IL1RAPL2: variants seen among roughly 807,000 people sequenced by gnomAD.
The protein encoded by IL1RAPL2 is X-linked interleukin-1 receptor accessory protein-like 2.
A neutral mutation model predicts 44.1 loss-of-function variants in IL1RAPL2; 3 were observed. The ratio of observed to expected loss-of-function variants is 0.07; its 90% CI spans 0.03 to 0.18. The LOEUF is 0.18. Among genes scored for constraint, IL1RAPL2 ranks in the 10% least tolerant of loss-of-function variants. The pLI, the probability that IL1RAPL2 is intolerant of heterozygous loss-of-function variation, is 1.00. For synonymous variants in IL1RAPL2, 181 were observed against 178.8 expected (o/e 1.01, Z -0.10); for missense variants, 391 against 496.4 (o/e 0.79, Z 2.02).
At chrX:105,718,247 G>A (rs940471552) in intron 7 of IL1RAPL2, among the ~76,000 whole-genome samples, 1 of 112,115 alleles carries the variant, frequency 8.9e-6, no homozygotes, top group East Asian at 2.8e-4. Flanking sequence ...TAAGAATCAT[G>A]CAGTGAAAAT....
chrX:104,581,882 C>T (rs73521385), intron 1 of IL1RAPL2, among the ~76,000 whole-genome samples: 7,330 of 110,277 alleles, frequency 0.066, 660 homozygotes, highest in African/African-American at 0.23. Context: ...ATTGCTCCTT[C>T]CTTAAAAGTT....
intron 6 of IL1RAPL2, among the ~76,000 whole-genome samples, chrX:105,491,082 C>T (rs2147778720): frequency 8.9e-6 from 1 of 111,876 alleles, no homozygotes; most frequent in South Asian, 3.7e-4. Flanking sequence ...TTTATGATAC[C>T]CTTGAATCAA....
intron 2 of IL1RAPL2, among the ~76,000 whole-genome samples, chrX:105,127,116 C>T (rs1344557685): frequency 1.8e-5 from 2 of 111,261 alleles, no homozygotes; most frequent in Non-Finnish European, 3.8e-5. Flanking sequence ...GCTATAGAGA[C>T]TCCTAAAAGA....
Position 105,167,395 on chromosome X carries a change from T to C in IL1RAPL2, c.83-28080T>C, listed in dbSNP as rs1251140958. ...ATTTTTACCTTTACTTGGTCAATTT[T>C]GTTTTTCCTTCTTCAGACCTGTTTA... On this transcript the variant is annotated intron_variant, in intron 2 of 10. Transcript: ENST00000372582. Among the ~76,000 whole-genome samples the C allele has an allele frequency of 2.7e-5, 3 of 112,452 alleles. No individual in the cohort carries two copies. In the East Asian group the frequency reaches 8.4e-4, roughly 31 times the overall value.
At chrX:104,829,502 G>T (rs1309543018) in intron 2 of IL1RAPL2, among the ~76,000 whole-genome samples, 1 of 112,222 alleles carries the variant, frequency 8.9e-6, no homozygotes, top group Non-Finnish European at 1.9e-5. Context: ...GGGTACTTTA[G>T]TTGGAAATGC....
chrX:104,840,365 C>G (rs906991831), intron 2 of IL1RAPL2, among the ~76,000 whole-genome samples: 7 of 111,695 alleles, frequency 6.3e-5, no homozygotes, highest in Non-Finnish European at 1.3e-4. Context: ...TCCATGTAGT[C>G]GTGTGGTTTT....
chrX:104,752,482 A>G (rs928344171), intron 2 of IL1RAPL2, among the ~76,000 whole-genome samples: 1 of 110,868 alleles, frequency 9.0e-6, no homozygotes, highest in Non-Finnish European at 1.9e-5. Flanking sequence ...TATGGCTATA[A>G]TTTAGTTTCC....
intron 2 of IL1RAPL2, among the ~76,000 whole-genome samples, chrX:105,050,620 A>G (rs1455975479): frequency 8.9e-6 from 1 of 112,020 alleles, no homozygotes; most frequent in Admixed American, 9.5e-5. Context: ...TTTTCCTCCC[A>G]AAACCTCTGT....
chrX:104,931,396 A>T (rs916459086), intron 2 of IL1RAPL2, among the ~76,000 whole-genome samples: 2 of 108,538 alleles, frequency 1.8e-5, no homozygotes, highest in Admixed American at 9.9e-5. Context: ...AAAAAAAGCC[A>T]GTGAACTGCT....
chrX:105,521,268 G>A (rs2036556435), intron 6 of IL1RAPL2, among the ~76,000 whole-genome samples: 1 of 109,437 alleles, frequency 9.1e-6, no homozygotes, highest in South Asian at 4.1e-4. Context: ...CTAAGAACAT[G>A]GGGATTCAAG....
intron 5 of IL1RAPL2, among the ~76,000 whole-genome samples, chrX:105,293,216 T>A (rs149027962): frequency 3.7e-4 from 41 of 111,364 alleles, no homozygotes; most frequent in African/African-American, 1.3e-3. Context: ...ATTTTCTCTA[T>A]CATTCTATTT....
intron 2 of IL1RAPL2, among the ~76,000 whole-genome samples, chrX:104,697,959 A>T (rs1931208777): frequency 8.9e-6 from 1 of 112,261 alleles, no homozygotes; most frequent in Admixed American, 9.4e-5. Context: ...CAATCTAGGG[A>T]TTGACCAGGG....
At chrX:104,983,577 A>G (rs1267524570) in intron 2 of IL1RAPL2, among the ~76,000 whole-genome samples, 21 of 71,177 alleles carry the variant, frequency 3.0e-4, no homozygotes, top group Non-Finnish European at 6.1e-4. Context: ...TATATTATAG[A>G]CATAATATAT....
chrX:104,730,854 TC>T (rs1931899955), intron 2 of IL1RAPL2, among the ~76,000 whole-genome samples: 1 of 110,979 alleles, frequency 9.0e-6, no homozygotes, highest in South Asian at 3.9e-4. Flanking sequence ...GTAAAAGTGT[TC>T]CTATTTCTCC....
chrX:105,697,293 CAA>C (rs1308596758), intron 6 of IL1RAPL2, among the ~76,000 whole-genome samples: 4 of 76,933 alleles, frequency 5.2e-5, no homozygotes, highest in Non-Finnish European at 5.1e-5. Flanking sequence ...CAACATAGCT[CAA>C]AAAAAAAAAA....
chrX:104,930,302 A>G (rs1402760170), intron 2 of IL1RAPL2, among the ~76,000 whole-genome samples: 1 of 112,484 alleles, frequency 8.9e-6, no homozygotes, highest in Non-Finnish European at 1.9e-5. Flanking sequence ...GTCAGATAGT[A>G]TGAGTTGCTT....
intron 2 of IL1RAPL2, among the ~76,000 whole-genome samples, chrX:104,994,572 A>T (rs954254794): frequency 9.0e-6 from 1 of 111,730 alleles, no homozygotes; most frequent in Non-Finnish European, 1.9e-5. Context: ...GGCAAAGTTT[A>T]ACCCTTAAAA....
chrX:105,725,541 T>G (rs1777131324), intron 7 of IL1RAPL2, among the ~76,000 whole-genome samples: 2 of 111,545 alleles, frequency 1.8e-5, no homozygotes, highest in South Asian at 3.7e-4. Context: ...ATGAAAATTT[T>G]TATTCTTAAA....
intron 6 of IL1RAPL2, among the ~76,000 whole-genome samples, chrX:105,555,349 G>T (rs2036889438): frequency 9.0e-6 from 1 of 111,265 alleles, no homozygotes; most frequent in Non-Finnish European, 1.9e-5. Context: ...GAAAGCTAAG[G>T]TAACTATCAG....
Sources: gnomAD v4.1 joint callset for allele counts (sites outside exome capture counted in the v4.1 genomes callset) on GRCh38, gnomAD v4.1.1 for gene constraint, MANE v1.5 for transcripts, NCBI Gene and HGNC (gene_info 2026-07-23, HGNC 2026-07-21) for gene names.